Variants in FN1 observed in about 807,000 individuals in gnomAD.
FN1 encodes the protein fibronectin.
In FN1, 106 loss-of-function variants were observed where a neutral mutation model predicts 297.3. The ratio of observed to expected loss-of-function variants is 0.36; its 90% CI spans 0.30 to 0.42. The LOEUF is 0.42. Ranked by LOEUF, FN1 falls within the 10% of genes least tolerant of loss-of-function variation. The pLI is 1.00. For synonymous variants in FN1, 1,149 were observed against 1,152.6 expected (o/e 1.00, Z 0.06); for missense variants, 2,690 against 3,124.9 (o/e 0.86, Z 3.32).
chr2:215,375,625 T>G lies in FN1; in HGVS notation c.5977+4A>C. The G allele has an allele frequency of 6.3e-7, 1 of 1,596,532 alleles. No homozygotes were observed. The highest frequency in any genetic ancestry group is 8.6e-7 in the Non-Finnish European group (1 of 1,164,098). On this transcript the variant is annotated splice_donor_region_variant and intron_variant, in intron 37 of 45. Coordinates refer to ENST00000354785, the MANE Select transcript of FN1 (RefSeq NM_212482.4). ...GGCATTTCCTCAGTAGAAGGTATAG[T>G]TACCAGTGGAGGCGTCGATGACCAC...
rs540806404 is a variant in FN1, at chr2:215,372,421, C to T, written c.6248-46G>A. 35 of 1,369,036 alleles carry T rather than the reference C, an allele frequency of 2.6e-5. No homozygotes were observed. The South Asian group carries it at 4.0e-4, about 15-fold the overall frequency. The allele number at this position is 1,369,036 out of a possible 1,614,324, so 84.8% of individuals were successfully genotyped here. On this transcript the variant is annotated intron_variant, in intron 39 of 45. Coordinates refer to ENST00000354785, the MANE Select transcript of FN1 (RefSeq NM_212482.4). ...CCAAAAAAGCAAAGCGCATTAAGCT[C>T]CAGGAAGTAGCAGCAATGATAATAA...
At chr2:215,388,175 A>G (rs778193731) in intron 27 of FN1, 37 bp downstream of exon 27, 7 of 1,442,004 alleles carry the variant, frequency 4.9e-6, no homozygotes, top group South Asian at 4.6e-5. Context: ...TTGATAGGCA[A>G]AAGCTACTGG....
Position 215,427,867 on chromosome 2 carries a change from C to T in FN1, c.844+313G>A, listed in dbSNP as rs529577865. Among the ~76,000 whole-genome samples the T allele has an allele frequency of 8.6e-5, 13 of 151,816 alleles. No homozygotes were observed. In the South Asian group the frequency reaches 1.5e-3, roughly 17 times the overall value. ...GATATTCAAAATACGTGTGTGTGTG[C>T]GTGTGTGCGTGATCTATCCATGGTA... On this transcript the variant is annotated intron_variant, in intron 6 of 45. Coordinates refer to ENST00000354785, the MANE Select transcript of FN1 (RefSeq NM_212482.4).
rs906331439 is a variant in FN1, at chr2:215,428,328, G to A, written c.696C>T (p.Asn232=). 4.3e-6 allele frequency: 7 copies of A among 1,613,848 alleles called. No homozygotes were observed. Among genetic ancestry groups the A allele is most frequent in the South Asian group, 2.2e-5 (2 of 91,082 alleles). The change falls in exon 6 of 46, where the codon AAC becomes AAT. Residue 232 remains asparagine, a synonymous_variant. Transcript: ENST00000354785. ...TATAGGATGTCCTTGTGTCCTGATC[G>A]TTGCATCTATCTGTGTCACAAAGGA... ...RITCTSRNRC[N]DQDTRTSYRI...
chr2:215,427,164 C>T (rs530052204), intron 6 of FN1, among the ~76,000 whole-genome samples: 6 of 152,192 alleles, frequency 3.9e-5, no homozygotes, highest in African/African-American at 9.6e-5. Context: ...CGTGAGCCAC[C>T]GCGCGTGGCC....
chr2:215,384,025 C>T lies in FN1; in HGVS notation c.4889G>A (p.Arg1630Gln), dbSNP rs763652265. Residue 1630 changes from arginine to glutamine, a missense_variant, in exon 30 of 46, where the codon CGA becomes CAA. By Grantham distance (43) the Arg-to-Gln change is conservative (BLOSUM62 1). Coordinates refer to ENST00000354785, the MANE Select transcript of FN1 (RefSeq NM_212482.4). The stretch of plus-strand genomic sequence containing the variant: ...CCCAGAGTAGAAGTTTGTACCTGTT[C>T]GGTAATTAATGGAAATTGGCTTGCT... ...ASSKPISINY[R>Q]TEIDKPSQMQ... The T allele has an allele frequency of 4.3e-6, 7 of 1,614,006 alleles. No homozygotes were observed. The highest frequency in any genetic ancestry group is 1.7e-4 in the Middle Eastern group (1 of 6,050).
At chr2:215,422,443 A>G (rs1435719988) in intron 9 of FN1, among the ~76,000 whole-genome samples, 200 bp from the exon 10 acceptor site, 6 of 152,154 alleles carry the variant, frequency 3.9e-5, no homozygotes, top group Non-Finnish European at 7.4e-5. Context: ...CGTAGTCCAA[A>G]CGTGTCATAG....
rs904564826 is a variant in FN1, at chr2:215,393,137, G to A, written c.3863C>T (p.Thr1288Ile). 4.3e-6 allele frequency: 7 copies of A among 1,613,838 alleles called. No homozygotes were observed. Among genetic ancestry groups the A allele is most frequent in the African/African-American group, 4.0e-5 (3 of 74,874 alleles). Residue 1288 changes from threonine to isoleucine, a missense_variant, in exon 25 of 46, where the codon ACC becomes ATC. Transcript: ENST00000354785. ...AATAATGGTGGAAGAGTTTAGCGGGGTCCACCTCAGGCCGATGCTTGAATC... is the reference window on the plus strand; with the variant it reads ...AATAATGGTGGAAGAGTTTAGCGGGATCCACCTCAGGCCGATGCTTGAATC... Reference protein sequence around the residue: ...ITDSSIGLRWTPLNSSTIIGY... With the variant: ...ITDSSIGLRWIPLNSSTIIGY...
chr2:215,418,593 G>GAATAT (rs2063754877), intron 12 of FN1, among the ~76,000 whole-genome samples: 1 of 152,152 alleles, frequency 6.6e-6, no homozygotes, highest in South Asian at 2.1e-4. Flanking sequence ...ATCACTCAGT[G>GAATAT]AATATTTAAA....
At chr2:215,362,357 C>G in intron 44 of FN1, 2 of 444,328 alleles carry the variant, frequency 4.5e-6, no homozygotes, top group Non-Finnish European at 8.3e-6. Context: ...TCTGCTGAGG[C>G]TCATTCCAAT....
At chr2:215,414,634 A>G in intron 13 of FN1, 2 of 1,337,862 alleles carry the variant, frequency 1.5e-6, no homozygotes, top group Non-Finnish European at 1.9e-6. Context: ...CAAAAAAACA[A>G]AACCCAAAAC....
intron 31 of FN1, 57 bp downstream of exon 31, chr2:215,383,271 G>A (rs2058455030): frequency 6.4e-7 from 1 of 1,568,298 alleles, no homozygotes. Flanking sequence ...GCCTCCCAAA[G>A]TTCTGGGATT....
intron 7 of FN1, among the ~76,000 whole-genome samples, 190 bp from the exon 8 acceptor site, chr2:215,424,515 C>T (rs944548052): frequency 6.0e-5 from 9 of 150,050 alleles, no homozygotes; most frequent in South Asian, 4.2e-4. Context: ...GTGGATAGAA[C>T]GACACCTGAG....
intron 39 of FN1, 106 bp downstream of exon 39, chr2:215,373,216 A>T: frequency 1.1e-6 from 1 of 879,104 alleles, no homozygotes; most frequent in Non-Finnish European, 1.9e-6. Context: ...AAAAAAAATC[A>T]CAAGAAATGC....
intron 43 of FN1, 94 bp from the exon 44 acceptor site, chr2:215,365,079 A>G: frequency 1.3e-6 from 1 of 798,510 alleles, no homozygotes; most frequent in Non-Finnish European, 2.1e-6. Flanking sequence ...CTAAATTTGT[A>G]TCATCACAGC....
intron 6 of FN1, among the ~76,000 whole-genome samples, chr2:215,426,932 G>C (rs1445241568): frequency 6.6e-6 from 1 of 151,848 alleles, no homozygotes; most frequent in Admixed American, 6.6e-5. Flanking sequence ...CTGGAGTGCA[G>C]TGGTGCGATC....
At position 215,372,060 on chromosome 2, in the gene FN1, T is replaced by C. The variant is rs773474183; in HGVS notation, c.6563A>G (p.His2188Arg). The change falls in exon 40 of 46, where the codon CAC becomes CGC. Residue 2188 changes from histidine to arginine, a missense_variant. His to Arg is a conservative substitution (Grantham distance 29). This residue lies in a region of FN1 where 1,743 missense variants were observed against 1,945.2 expected (regional missense o/e 0.90). Coordinates refer to ENST00000354785, the MANE Select transcript of FN1 (RefSeq NM_212482.4). ...GAGTCCCGGACCGTGTGGGTACAGG[T>C]GATAGTCTACATCTTCCCTGGGGAT... ...GHIPREDVDY[H>R]LYPHGPGLNP... 1.2e-6 allele frequency: 2 copies of C among 1,614,046 alleles called. No homozygotes were observed. The highest frequency in any genetic ancestry group is 1.7e-6 in the Non-Finnish European group (2 of 1,180,034).
intron 20 of FN1, among the ~76,000 whole-genome samples, chr2:215,401,212 A>G (rs1307777303): frequency 1.1e-4 from 5 of 45,130 alleles, no homozygotes; most frequent in Admixed American, 2.2e-4. Flanking sequence ...GAAAGAAAGA[A>G]AGAAAGAAAG....
At chr2:215,385,422 C>T (rs2058799866) in intron 28 of FN1, among the ~76,000 whole-genome samples, 2 of 151,566 alleles carry the variant, frequency 1.3e-5, no homozygotes, top group African/African-American at 2.4e-5. Flanking sequence ...ATTAGCCGGG[C>T]GTGGTGGCGG....
Sources: gnomAD v4.1 joint callset for allele counts (sites outside exome capture counted in the v4.1 genomes callset) on GRCh38, gnomAD v4.1.1 for gene constraint, gnomAD v4.1.1 regional missense constraint, MANE v1.5 for transcripts, NCBI Gene and HGNC (gene_info 2026-07-23, HGNC 2026-07-21) for gene names.